The following MGAT5B variants were observed in gnomAD, a reference collection of about 807,000 sequenced individuals.
The protein encoded by MGAT5B is N-acetylglucosaminyl-transferase Vb.
MGAT5B carries 54 observed loss-of-function variants against 95.1 expected under a neutral mutation model. That is an observed-to-expected ratio of 0.57 (90% CI 0.46 to 0.71). The LOEUF is 0.71. Ranked by LOEUF, MGAT5B falls within the 30% of genes least tolerant of loss-of-function variation. The probability of loss-of-function intolerance (pLI) is 0.00; values close to 1 mark genes in which losing one functional copy is unlikely to be tolerated. For synonymous variants in MGAT5B, 464 were observed against 451.0 expected, an observed-to-expected ratio of 1.03 and a Z score of -0.36; for missense variants, 935 against 1,088.6, an observed-to-expected ratio of 0.86 and a Z score of 1.99.
intron 10 of MGAT5B, among the ~76,000 whole-genome samples, chr17:76,928,647 G>A (rs1969390226): frequency 6.6e-6 from 1 of 152,026 alleles, no homozygotes; most frequent in Non-Finnish European, 1.5e-5. Context: ...GGATGTTGCA[G>A]TGAGCTGAGA....
chr17:76,891,631 C>T (rs1967872932), intron 3 of MGAT5B, among the ~76,000 whole-genome samples: 1 of 152,214 alleles, frequency 6.6e-6, no homozygotes, highest in Admixed American at 6.5e-5. Flanking sequence ...CTGCCCGCCT[C>T]GGCCTCCCAG....
intron 3 of MGAT5B, among the ~76,000 whole-genome samples, chr17:76,883,012 A>C (rs1967493866): frequency 6.6e-6 from 1 of 150,738 alleles, no homozygotes; most frequent in Admixed American, 6.6e-5. Context: ...AATTAAAAAA[A>C]AAATTTTTTT....
intron 8 of MGAT5B, among the ~76,000 whole-genome samples, chr17:76,911,412 A>C (rs1968729802): frequency 1.3e-5 from 2 of 152,182 alleles, no homozygotes; most frequent in African/African-American, 4.8e-5. Flanking sequence ...ATTCATCCTG[A>C]GAGCACCCAG....
At chr17:76,939,085 T>C (rs1969782054) in intron 13 of MGAT5B, among the ~76,000 whole-genome samples, 1 of 142,198 alleles carries the variant, frequency 7.0e-6, no homozygotes. Flanking sequence ...TTGGGGGCAG[T>C]GGAGATGCTT....
rs373531102 is a variant in MGAT5B, at chr17:76,926,584, C to T, written c.1158-13C>T. 13 of 1,605,102 alleles carry T rather than the reference C, an allele frequency of 8.1e-6. No homozygotes were observed. The African/African-American group carries it at 1.2e-4, about 15-fold the overall frequency. ...GGTTGCTGACCCTGGTTCCTGGTCC[C>T]CTGGGGGGGCAGGTGCCGAATCAGG... On this transcript the variant is annotated splice_polypyrimidine_tract_variant and intron_variant, in intron 9 of 17. Transcript: ENST00000569840.
chr17:76,927,998 C>CT (rs1969367775), intron 10 of MGAT5B, among the ~76,000 whole-genome samples: 4 of 152,136 alleles, frequency 2.6e-5, no homozygotes, highest in African/African-American at 7.2e-5. Context: ...TTGGACTATT[C>CT]TTTTTTTTCT....
At chr17:76,886,283 G>A (rs1265999723) in intron 3 of MGAT5B, among the ~76,000 whole-genome samples, 1 of 152,204 alleles carries the variant, frequency 6.6e-6, no homozygotes, top group Non-Finnish European at 1.5e-5. Flanking sequence ...CAAAAAAGAT[G>A]GAATTCCACT....
In MGAT5B at chr17:76,904,401, C is replaced by T. The variant is rs146591034; in HGVS notation, c.669C>T (p.Pro223=). The T allele has an allele frequency of 5.1e-4, 802 of 1,561,576 alleles. 3 individuals are homozygous for T. Among genetic ancestry groups the T allele is most frequent in the Admixed American group, 1.7e-3 (90 of 51,974 alleles). ...WRNQTAAQRA[P]KPLPKVQAVF... ...ACCAGACGGCTGCCCAGAGGGCACC[C>T]AAGCCCCTCCCCAAAGTCCAGGTGG... The change falls in exon 6 of 18, where the codon CCC becomes CCT. Residue 223 remains proline, a synonymous_variant. Transcript: ENST00000569840.
intron 15 of MGAT5B, among the ~76,000 whole-genome samples, chr17:76,941,800 A>G (rs889229102): frequency 1.3e-5 from 2 of 152,264 alleles, no homozygotes; most frequent in Non-Finnish European, 2.9e-5. Context: ...CGGAGGTGCC[A>G]GGTGAGGCAG....
At chr17:76,927,458 T>C (rs913256504) in intron 10 of MGAT5B, among the ~76,000 whole-genome samples, 9 of 152,212 alleles carry the variant, frequency 5.9e-5, no homozygotes, top group African/African-American at 2.2e-4. Context: ...CAGGCTGGTC[T>C]TGAATTCCTG....
In MGAT5B at chr17:76,913,975, C is replaced by T. The variant is rs182011779; in HGVS notation, c.1025+7788C>T. On this transcript the variant is annotated intron_variant, in intron 8 of 17. Transcript: ENST00000569840. ...AAAACAAAAAAATTAGCCAAGTGCGCCTGTGGTCCCAGCTACTCAGGCGAC... is the reference window on the plus strand; with the variant it reads ...AAAACAAAAAAATTAGCCAAGTGCGTCTGTGGTCCCAGCTACTCAGGCGAC... 466 of 352,668 alleles carry T rather than the reference C, an allele frequency of 1.3e-3. 2 individuals are homozygous for T. Among genetic ancestry groups the T allele is most frequent in the Non-Finnish European group, 3.2e-4 (58 of 178,532 alleles). The allele number at this position is 352,668 out of a possible 1,614,324, so 21.8% of individuals were successfully genotyped here. A position where few individuals can be genotyped will look rare whatever the true frequency, so the allele number is the denominator to read the frequency against.
rs371008614 is a variant in MGAT5B, at chr17:76,882,335, G to T, written c.329+37G>T. 2.2e-5 allele frequency: 34 copies of T among 1,549,066 alleles called. No homozygotes were observed. In the African/African-American group the frequency reaches 4.0e-4, roughly 18 times the overall value. On this transcript the variant is annotated intron_variant, in intron 3 of 17. Transcript: ENST00000569840. ...TGGGGAGGAGGCACACGGAGCAGGG[G>T]AGCGGTGGCACCTGCCACTCCATCC...
intron 3 of MGAT5B, among the ~76,000 whole-genome samples, chr17:76,896,770 C>T (rs1285751010): frequency 6.6e-6 from 1 of 152,166 alleles, no homozygotes; most frequent in Non-Finnish European, 1.5e-5. Flanking sequence ...AGTCACTGAC[C>T]CAGCGCTTGA....
At chr17:76,919,590 C>A (rs553358274) in intron 8 of MGAT5B, among the ~76,000 whole-genome samples, 1 of 152,092 alleles carries the variant, frequency 6.6e-6, no homozygotes, top group African/African-American at 2.4e-5. Context: ...CCACCATGCC[C>A]GGCTAATTTT....
intron 8 of MGAT5B, chr17:76,924,228 T>A (rs1262989835): frequency 1.3e-5 from 2 of 152,224 alleles, no homozygotes; most frequent in African/African-American, 4.8e-5. Context: ...GGTCATGTCC[T>A]TCCATGTCCT....
Position 76,949,990 on chromosome 17 carries a change from T to A in MGAT5B, c.*1152T>A, listed in dbSNP as rs1316055641. ...GCTGTCCTTCTCCGAGTGGCACGCC[T>A]GCCCCAGGATGCCCCCTTTCCCTCC... On this transcript the variant is annotated 3_prime_UTR_variant, in exon 18 of 18. Coordinates refer to ENST00000569840, the MANE Select transcript of MGAT5B (RefSeq NM_001199172.2). 1 of 151,942 alleles carries A rather than the reference T, an allele frequency of 6.6e-6. No individual in the cohort carries two copies. Among genetic ancestry groups the A allele is most frequent in the Admixed American group, 6.6e-5 (1 of 15,208 alleles). 9.4% of individuals were successfully genotyped at this position (151,942 alleles called of 1,614,324 possible).
chr17:76,911,526 A>G (rs1968737506), intron 8 of MGAT5B, among the ~76,000 whole-genome samples: 1 of 152,240 alleles, frequency 6.6e-6, no homozygotes, highest in African/African-American at 2.4e-5. Flanking sequence ...TGCCCAGGGC[A>G]TCACGTGGGA....
chr17:76,920,049 T>G (rs1483820108), intron 8 of MGAT5B, among the ~76,000 whole-genome samples: 1 of 152,196 alleles, frequency 6.6e-6, no homozygotes, highest in African/African-American at 2.4e-5. Context: ...CTCTTGGGAT[T>G]TAGACTCCTA....
Position 76,914,691 on chromosome 17 carries a change from C to T in MGAT5B, c.1025+8504C>T, listed in dbSNP as rs140422412. Among the ~76,000 whole-genome samples, 2,809 of 151,682 alleles carry T rather than the reference C, an allele frequency of 0.019. 73 individuals are homozygous for T. Among genetic ancestry groups the T allele is most frequent in the African/African-American group, 0.056 (2,312 of 41,154 alleles). ...GTCTTGCCCTGTCCCCCAGCTGGAGCGCAGTGGCGCAGTCTCGGCTCACTG... is the reference window on the plus strand; with the variant it reads ...GTCTTGCCCTGTCCCCCAGCTGGAGTGCAGTGGCGCAGTCTCGGCTCACTG... On this transcript the variant is annotated intron_variant, in intron 8 of 17. Coordinates refer to ENST00000569840, the MANE Select transcript of MGAT5B (RefSeq NM_001199172.2). This position sits in a 1 kb window ranked among gnomAD's most constrained non-coding sequence, Gnocchi z 5.1.
Sources: gnomAD v4.1 joint callset for allele counts (sites outside exome capture counted in the v4.1 genomes callset) on GRCh38, gnomAD v4.1.1 for gene constraint, Gnocchi (gnomAD v3.1) non-coding constraint, MANE v1.5 for transcripts, NCBI Gene and HGNC (gene_info 2026-07-23, HGNC 2026-07-21) for gene names.